The following PFKFB3 variants were observed in gnomAD, a reference collection of about 807,000 sequenced individuals.
PFKFB3 encodes the protein 6-phosphofructo-2-kinase/fructose-2,6-biphosphatase 3, also known as 6-phosphofructo-2-kinase/fructose-2,6-bisphosphatase 3.
PFKFB3 carries 33 observed loss-of-function variants against 68.0 expected under a neutral mutation model. That is an observed-to-expected ratio of 0.49 (90% CI 0.37 to 0.65). The LOEUF is 0.65. Ranked by LOEUF, PFKFB3 falls within the 30% of genes least tolerant of loss-of-function variation. PFKFB3 has a pLI of 0.00. For missense variants in PFKFB3, 586 were observed against 712.2 expected, an observed-to-expected ratio of 0.82 and a Z score of 2.02; for synonymous variants, 315 against 288.2, an observed-to-expected ratio of 1.09 and a Z score of -0.94.
At chr10:6,282,180 G>A in the PFKFB3 span, among the ~76,000 whole-genome samples, 1 of 152,072 alleles carries the variant, frequency 6.6e-6, no homozygotes, top group Non-Finnish European at 1.5e-5. Flanking sequence ...TTGTGTGCTG[G>A]TGTAAAATCT....
chr10:6,167,451 T>G (rs1388499767), intron 1 of PFKFB3, among the ~76,000 whole-genome samples: 2 of 152,240 alleles, frequency 1.3e-5, no homozygotes, highest in Non-Finnish European at 1.5e-5. Context: ...AGAGGAATAC[T>G]TTAGGAGTCT....
At chr10:6,209,405 A>G (rs535213782) in intron 1 of PFKFB3, among the ~76,000 whole-genome samples, 1 of 152,326 alleles carries the variant, frequency 6.6e-6, no homozygotes, top group African/African-American at 2.4e-5. Flanking sequence ...AAGTTAAAAT[A>G]TTGAACATTT....
the PFKFB3 span, among the ~76,000 whole-genome samples, chr10:6,275,071 G>C: frequency 1.3e-5 from 2 of 152,216 alleles, no homozygotes; most frequent in Admixed American, 1.3e-4. This position sits in a 1 kb window ranked among gnomAD's most constrained non-coding sequence, Gnocchi z 4.9. Context: ...GGGGACTTTT[G>C]GGGTCTGTGG....
intron 14 of PFKFB3, among the ~76,000 whole-genome samples, chr10:6,248,895 C>T (rs967930875): frequency 6.6e-6 from 1 of 151,738 alleles, no homozygotes; most frequent in African/African-American, 2.4e-5. Flanking sequence ...ACCCTTAGGT[C>T]GGGAACAGTG....
At position 6,210,413 on chromosome 10, in the gene PFKFB3, T is replaced by G. The variant is rs1359375112; in HGVS notation, c.77-3210T>G. ...TTTCGCTCTGTCACCCAGGCTGGAGTGCAGTGGCGCTATCTCGGCTCACTG... is the reference window on the plus strand; with the variant it reads ...TTTCGCTCTGTCACCCAGGCTGGAGGGCAGTGGCGCTATCTCGGCTCACTG... On this transcript the variant is annotated intron_variant, in intron 1 of 14. Coordinates refer to ENST00000379775, the MANE Select transcript of PFKFB3 (RefSeq NM_004566.4). Among the ~76,000 whole-genome samples the G allele has an allele frequency of 2.9e-4, 28 of 95,182 alleles. 4 individuals are homozygous for G. The East Asian group carries it at 3.7e-3, about 13-fold the overall frequency. The allele number at this position is 95,182 out of a possible 152,430, so 62.4% of individuals were successfully genotyped here.
chr10:6,178,301 C>T (rs1842592655), intron 1 of PFKFB3, among the ~76,000 whole-genome samples: 1 of 152,166 alleles, frequency 6.6e-6, no homozygotes, highest in South Asian at 2.1e-4. Context: ...GTGGGGCGCC[C>T]CTGCTGTGGG....
intron 1 of PFKFB3, among the ~76,000 whole-genome samples, chr10:6,150,585 A>G (rs1374111718): frequency 2.0e-5 from 3 of 152,206 alleles, no homozygotes; most frequent in African/African-American, 7.2e-5. Flanking sequence ...AATCGTGGCC[A>G]CTGCACTCCA....
Position 6,159,976 on chromosome 10 carries a change from C to T in PFKFB3, c.16+14963C>T, listed in dbSNP as rs531885720. Among the ~76,000 whole-genome samples the T allele has an allele frequency of 7.3e-5, 11 of 151,546 alleles. No homozygotes were observed. In the East Asian group the frequency reaches 1.9e-3, roughly 27 times the overall value. On this transcript the variant is annotated intron_variant, in intron 1 of 14. Transcript: ENST00000379789. ...GTCTTGCCATCTTGCCCAGGCTGGT[C>T]TTGAACTCCTAGACTCAAGCAATCC...
chr10:6,198,128 A>T (rs1363965011), upstream of PFKFB3, among the ~76,000 whole-genome samples: 3 of 151,904 alleles, frequency 2.0e-5, no homozygotes, highest in Admixed American at 6.6e-5. Context: ...AGCCTGTAAT[A>T]CCAGTTACTC....
At chr10:6,284,654 A>C in the PFKFB3 span, among the ~76,000 whole-genome samples, 1 of 152,220 alleles carries the variant, frequency 6.6e-6, no homozygotes, top group South Asian at 2.1e-4. Flanking sequence ...AGGAATATTC[A>C]TAGTGTTTGC....
At chr10:6,286,417 A>G in the PFKFB3 span, among the ~76,000 whole-genome samples, 2 of 151,302 alleles carry the variant, frequency 1.3e-5, no homozygotes, top group African/African-American at 4.9e-5. Flanking sequence ...TCACTCCGTC[A>G]CTCAGGCTGG....
intron 1 of PFKFB3, among the ~76,000 whole-genome samples, chr10:6,183,614 A>ATATATATATATATAT (rs1554843857): frequency 2.1e-5 from 2 of 93,944 alleles, no homozygotes; most frequent in African/African-American, 6.8e-5. Flanking sequence ...AAAAAAAAAA[A>ATATATATATATATAT]ATATATATAT....
At chr10:6,241,989 G>T (rs1846152579) in intron 14 of PFKFB3, among the ~76,000 whole-genome samples, 1 of 151,890 alleles carries the variant, frequency 6.6e-6, no homozygotes, top group Non-Finnish European at 1.5e-5. Flanking sequence ...GGGATTACAG[G>T]TGTGAACCAC....
the PFKFB3 span, among the ~76,000 whole-genome samples, chr10:6,302,749 T>TAC: frequency 0.093 from 13,621 of 145,694 alleles, 806 homozygotes; most frequent in East Asian, 0.25. Context: ...TGTGTGTGTA[T>TAC]ACACACACAC....
At chr10:6,308,477 C>T in the PFKFB3 span, among the ~76,000 whole-genome samples, 1 of 152,176 alleles carries the variant, frequency 6.6e-6, no homozygotes, top group Non-Finnish European at 1.5e-5. Flanking sequence ...GATCATGCCA[C>T]TGCACTCCAG....
At chr10:6,255,547 G>A (rs532188984), downstream of PFKFB3, among the ~76,000 whole-genome samples, 13 of 152,360 alleles carry the variant, frequency 8.5e-5, no homozygotes, top group African/African-American at 3.1e-4. Context: ...TTCAACGGGT[G>A]TGTCTCCCTT....
the PFKFB3 span, among the ~76,000 whole-genome samples, chr10:6,323,384 A>G: frequency 6.6e-6 from 1 of 152,208 alleles, no homozygotes; most frequent in South Asian, 2.1e-4. Context: ...GTCCATAGGC[A>G]GAAAGAGAGG....
chr10:6,301,972 T>C, the PFKFB3 span, among the ~76,000 whole-genome samples: 1 of 152,216 alleles, frequency 6.6e-6, no homozygotes, highest in Non-Finnish European at 1.5e-5. Flanking sequence ...CTTTATCCAC[T>C]TCCTAACAGG....
chr10:6,218,808 C>T (rs567807824), intron 6 of PFKFB3, among the ~76,000 whole-genome samples: 19 of 152,278 alleles, frequency 1.2e-4, no homozygotes, highest in Admixed American at 9.2e-4. Flanking sequence ...ACACTCTATC[C>T]GCAGGACTTT....
Sources: gnomAD v4.1 joint callset for allele counts (sites outside exome capture counted in the v4.1 genomes callset) on GRCh38, gnomAD v4.1.1 for gene constraint, Gnocchi (gnomAD v3.1) non-coding constraint, MANE v1.5 for transcripts, NCBI Gene and HGNC (gene_info 2026-07-23, HGNC 2026-07-21) for gene names.